The following RGS6 variants were observed in gnomAD, a reference collection of about 807,000 sequenced individuals.
The protein encoded by RGS6 is regulator of G protein signaling 6, also known as regulator of G-protein signaling 6.
A neutral mutation model predicts 78.5 loss-of-function variants in RGS6; 30 were observed. That is an observed-to-expected ratio of 0.38 (90% confidence interval 0.29 to 0.52). The LOEUF is 0.52. Among genes scored for constraint, RGS6 ranks in the 20% least tolerant of loss-of-function variants. The pLI, the probability that RGS6 is intolerant of heterozygous loss-of-function variation, is 0.85. For synonymous variants in RGS6, 206 were observed against 206.0 expected, an observed-to-expected ratio of 1.00 and a Z score of 0.00; for missense variants, 495 against 609.7, an observed-to-expected ratio of 0.81 and a Z score of 1.98.
At chr14:72,408,326 A>C (rs2093119181) in intron 3 of RGS6, among the ~76,000 whole-genome samples, 1 of 152,180 alleles carries the variant, frequency 6.6e-6, no homozygotes, top group South Asian at 2.1e-4. Context: ...ATAACTTAAA[A>C]ATTTTTTATG....
intron 3 of RGS6, among the ~76,000 whole-genome samples, chr14:72,453,887 G>A (rs554391145): frequency 5.2e-4 from 79 of 152,274 alleles, no homozygotes; most frequent in Middle Eastern, 3.4e-3. Context: ...AAGGGGCAGA[G>A]CTAAGGAGAG....
At chr14:71,938,230 A>G (rs2089889037) in intron 1 of RGS6, among the ~76,000 whole-genome samples, 1 of 152,186 alleles carries the variant, frequency 6.6e-6, no homozygotes, top group South Asian at 2.1e-4. Flanking sequence ...ACTTTTTCCC[A>G]AATTTCTTTG....
chr14:72,420,964 C>G (rs868339669), intron 3 of RGS6: 2 of 152,228 alleles, frequency 1.3e-5, no homozygotes, highest in South Asian at 2.1e-4. Context: ...TGAACTGCAC[C>G]CCAGGCGTGA....
intron 3 of RGS6, among the ~76,000 whole-genome samples, chr14:72,413,278 A>G (rs1179569219): frequency 6.6e-6 from 1 of 152,206 alleles, no homozygotes; most frequent in African/African-American, 2.4e-5. Context: ...TATATTTAGG[A>G]TAGTTAGTTC....
At chr14:72,536,475 G>A (rs548510972) in intron 16 of RGS6, among the ~76,000 whole-genome samples, 200 bp downstream of exon 16, 6 of 152,236 alleles carry the variant, frequency 3.9e-5, no homozygotes, top group South Asian at 4.1e-4. Flanking sequence ...CCAGGATGGG[G>A]CATCCTACCT....
chr14:72,292,115 G>C (rs1481254952), intron 2 of RGS6, among the ~76,000 whole-genome samples: 8 of 152,206 alleles, frequency 5.3e-5, no homozygotes, highest in African/African-American at 1.9e-4. Context: ...CCCGGGTGGA[G>C]AATTCTCACA....
intron 2 of RGS6, among the ~76,000 whole-genome samples, chr14:72,084,701 C>G (rs1365426107): frequency 6.6e-6 from 1 of 151,950 alleles, no homozygotes; most frequent in African/African-American, 2.4e-5. Flanking sequence ...TGAAATCTCT[C>G]AGGCCTGCAT....
chr14:72,504,318 CT>C (rs1297057029), intron 13 of RGS6, among the ~76,000 whole-genome samples: 1 of 152,212 alleles, frequency 6.6e-6, no homozygotes, highest in African/African-American at 2.4e-5. Context: ...ACAATTCTGT[CT>C]TTAAGTCACG....
At chr14:72,486,007 C>T (rs2153384867) in intron 12 of RGS6, among the ~76,000 whole-genome samples, 1 of 152,260 alleles carries the variant, frequency 6.6e-6, no homozygotes, top group Middle Eastern at 3.4e-3. Flanking sequence ...TGGGAGGGAC[C>T]CAGTGGGAGG....
chr14:72,412,481 C>T (rs1328999440), intron 3 of RGS6, among the ~76,000 whole-genome samples: 2 of 152,050 alleles, frequency 1.3e-5, no homozygotes, highest in Non-Finnish European at 2.9e-5. Context: ...GTCTTGGTAG[C>T]AGTCTATCCA....
intron 6 of RGS6, among the ~76,000 whole-genome samples, chr14:72,465,212 C>T (rs61500692): frequency 2.0e-5 from 3 of 152,152 alleles, no homozygotes; most frequent in Non-Finnish European, 4.4e-5. Flanking sequence ...ACCATATTTG[C>T]CATCCTAACG....
intron 2 of RGS6, among the ~76,000 whole-genome samples, chr14:72,267,230 C>G (rs2059213090): frequency 6.6e-6 from 1 of 152,180 alleles, no homozygotes; most frequent in South Asian, 2.1e-4. Context: ...TGATTATAGG[C>G]ATGAGCCACT....
intron 2 of RGS6, among the ~76,000 whole-genome samples, chr14:72,302,236 G>A (rs957956323): frequency 5.3e-5 from 8 of 152,214 alleles, no homozygotes; most frequent in Admixed American, 5.2e-4. Context: ...ACTATCACAA[G>A]AGTGGACACC....
At chr14:72,585,895 TAG>T in the RGS6 span, among the ~76,000 whole-genome samples, 2 of 152,330 alleles carry the variant, frequency 1.3e-5, no homozygotes, top group East Asian at 1.9e-4. Context: ...CTCACCTGGA[TAG>T]AGTCTTCAAT....
At chr14:72,023,910 G>T (rs1281424545) in intron 2 of RGS6, among the ~76,000 whole-genome samples, 1 of 152,160 alleles carries the variant, frequency 6.6e-6, no homozygotes, top group African/African-American at 2.4e-5. Context: ...CAGAGGGCTT[G>T]GTCCAAGTTA....
At chr14:72,550,321 G>C (rs558301085) in intron 17 of RGS6, 1 of 717,440 alleles carries the variant, frequency 1.4e-6, no homozygotes, top group Non-Finnish European at 2.5e-6. Context: ...TATAAGAGGT[G>C]GGGGAGAGGG....
At chr14:72,260,428 T>A (rs916228013) in intron 2 of RGS6, among the ~76,000 whole-genome samples, 10 of 151,998 alleles carry the variant, frequency 6.6e-5, no homozygotes, top group Non-Finnish European at 1.3e-4. Flanking sequence ...GGATATAGAG[T>A]GTTTAATAAA....
chr14:72,426,009 T>C (rs1445763317), intron 3 of RGS6, among the ~76,000 whole-genome samples: 2 of 152,178 alleles, frequency 1.3e-5, no homozygotes, highest in African/African-American at 4.8e-5. Flanking sequence ...CTTAGCTATA[T>C]TTTCTAAAGT....
chr14:72,237,186 C>A (rs1226203936), intron 2 of RGS6, among the ~76,000 whole-genome samples: 1 of 152,132 alleles, frequency 6.6e-6, no homozygotes. Flanking sequence ...GTAATCTGTA[C>A]CCATTTTAGT....
Sources: allele counts gnomAD v4.1 joint callset (sites outside exome capture counted in the v4.1 genomes callset), GRCh38; gene constraint gnomAD v4.1.1; transcripts MANE v1.5; gene names NCBI Gene and HGNC (gene_info 2026-07-23, HGNC 2026-07-21).